GNAQ: variants seen among roughly 807,000 people sequenced by gnomAD.
The protein encoded by GNAQ is G protein subunit alpha q.
GNAQ carries 8 observed loss-of-function variants against 43.9 expected under a neutral mutation model. The ratio of observed to expected loss-of-function variants is 0.18; its 90% CI spans 0.11 to 0.33. The LOEUF (loss-of-function observed/expected upper bound fraction) is 0.33, where lower values mean the gene tolerates loss of function less well. Among genes scored for constraint, GNAQ ranks in the 10% least tolerant of loss-of-function variants. The probability of loss-of-function intolerance (pLI) is 1.00; values close to 1 mark genes in which losing one functional copy is unlikely to be tolerated. For synonymous variants in GNAQ, 155 were observed against 170.7 expected (o/e 0.91, Z 0.71); for missense variants, 158 against 450.8 (o/e 0.35, Z 5.88).
At chr9:77,900,202 A>G (rs906040857) in intron 2 of GNAQ, among the ~76,000 whole-genome samples, 11 of 152,168 alleles carry the variant, frequency 7.2e-5, no homozygotes, top group African/African-American at 2.7e-4. Context: ...GTATACGTCT[A>G]AGTTTCAATA....
chr9:78,004,841 AGAGAG>A (rs1046899389), intron 1 of GNAQ, among the ~76,000 whole-genome samples: 21 of 152,090 alleles, frequency 1.4e-4, no homozygotes, highest in African/African-American at 5.1e-4. Context: ...GTGGGAGAGA[AGAGAG>A]GAAAGCAACA....
At chr9:77,911,907 A>G (rs568079839) in intron 2 of GNAQ, among the ~76,000 whole-genome samples, 2 of 152,220 alleles carry the variant, frequency 1.3e-5, no homozygotes, top group South Asian at 2.1e-4. Context: ...AGGAAAAATA[A>G]AAGTCCTTTT....
intron 5 of GNAQ, among the ~76,000 whole-genome samples, chr9:77,729,046 G>C (rs779282160): frequency 6.6e-6 from 1 of 152,078 alleles, no homozygotes; most frequent in Non-Finnish European, 1.5e-5. Context: ...ACTAGATATG[G>C]CTTCATTTTG....
chr9:77,979,922 G>A (rs1242435185), intron 1 of GNAQ, among the ~76,000 whole-genome samples: 2 of 152,202 alleles, frequency 1.3e-5, no homozygotes, highest in Non-Finnish European at 2.9e-5. Flanking sequence ...CTCAAATTAT[G>A]TACTTGGCCA....
In GNAQ at chr9:77,720,206, C is replaced by G. The variant is rs1446745051; in HGVS notation, c.*1117G>C. On this transcript the variant is annotated 3_prime_UTR_variant, in exon 7 of 7. Coordinates refer to ENST00000286548, the MANE Select transcript of GNAQ (RefSeq NM_002072.5). ...TACAACTGTTTGGCAAATGGCATTTCTGGTTCATTCTCAGCCAGTCATTTT... is the reference window on the plus strand; with the variant it reads ...TACAACTGTTTGGCAAATGGCATTTGTGGTTCATTCTCAGCCAGTCATTTT... 4.3e-6 allele frequency: 1 copy of G among 233,288 alleles called. No homozygotes were observed. The highest frequency in any genetic ancestry group is 2.2e-5 in the African/African-American group (1 of 45,336). The allele number at this position is 233,288 out of a possible 1,614,324, so 14.5% of individuals were successfully genotyped here.
chr9:77,734,070 C>T (rs1042945098), intron 5 of GNAQ, among the ~76,000 whole-genome samples: 1 of 152,188 alleles, frequency 6.6e-6, no homozygotes, highest in African/African-American at 2.4e-5. Flanking sequence ...TTCGTGTCTA[C>T]ACTTTGCATC....
chr9:77,845,186 T>C (rs1345187486), intron 2 of GNAQ, among the ~76,000 whole-genome samples: 1 of 152,220 alleles, frequency 6.6e-6, no homozygotes, highest in Non-Finnish European at 1.5e-5. Context: ...TCCTTGGCAC[T>C]ACTTCTTGTC....
intron 2 of GNAQ, among the ~76,000 whole-genome samples, chr9:77,876,567 TC>T (rs772936926): frequency 1.3e-5 from 2 of 152,234 alleles, no homozygotes; most frequent in Non-Finnish European, 2.9e-5. Context: ...CAAACATATC[TC>T]CTTTACAGGA....
intron 2 of GNAQ, among the ~76,000 whole-genome samples, chr9:77,916,739 A>C (rs1253320059): frequency 1.3e-5 from 2 of 152,080 alleles, no homozygotes; most frequent in Non-Finnish European, 2.9e-5. Context: ...AGGACTTTCA[A>C]GTCTAAAAGG....
At chr9:77,773,508 T>G (rs1467814031) in intron 5 of GNAQ, among the ~76,000 whole-genome samples, 3 of 152,224 alleles carry the variant, frequency 2.0e-5, no homozygotes, top group African/African-American at 7.2e-5. Context: ...TGATATTAAC[T>G]TGTGCAAGAT....
At chr9:77,973,504 C>A (rs1310612752) in intron 1 of GNAQ, among the ~76,000 whole-genome samples, 1 of 152,054 alleles carries the variant, frequency 6.6e-6, no homozygotes, top group African/African-American at 2.4e-5. Context: ...CAAGTCAATT[C>A]TTTGAGGGAA....
Position 78,007,853 on chromosome 9 carries a change from A to G in GNAQ, c.136+23247T>C, listed in dbSNP as rs187726917. On this transcript the variant is annotated intron_variant, in intron 1 of 6. Transcript: ENST00000286548. ...TCCAAGACTGAACTCTCCAGAAAAG[A>G]ATATAAATCTTGTTAACCTTAACTA... is the stretch of plus-strand genomic sequence containing the variant. Among the ~76,000 whole-genome samples the G allele has an allele frequency of 7.8e-4, 119 of 152,336 alleles. 2 individuals carry two copies. The highest frequency in any genetic ancestry group is 6.6e-3 in the South Asian group (32 of 4,826).
At chr9:77,726,381 A>G (rs1202310366) in intron 6 of GNAQ, among the ~76,000 whole-genome samples, 1 of 152,230 alleles carries the variant, frequency 6.6e-6, no homozygotes, top group Non-Finnish European at 1.5e-5. Context: ...TATATTTTCA[A>G]TTCACCAACC....
chr9:77,938,496 CAAAG>C (rs1829265992), intron 1 of GNAQ, among the ~76,000 whole-genome samples: 1 of 152,022 alleles, frequency 6.6e-6, no homozygotes, highest in South Asian at 2.1e-4. Flanking sequence ...TAAATGGGAC[CAAAG>C]AAAGCTACCG....
chr9:77,959,893 A>G (rs1399335221), intron 1 of GNAQ, among the ~76,000 whole-genome samples: 1 of 152,174 alleles, frequency 6.6e-6, no homozygotes, highest in Admixed American at 6.5e-5. Flanking sequence ...GGAATCCTCC[A>G]TGTTCCACCC....
At chr9:77,995,445 G>A (rs920416217) in intron 1 of GNAQ, among the ~76,000 whole-genome samples, 1 of 152,128 alleles carries the variant, frequency 6.6e-6, no homozygotes, top group Non-Finnish European at 1.5e-5. Context: ...CAGCAATTCA[G>A]GGTAGAATAT....
intron 2 of GNAQ, among the ~76,000 whole-genome samples, chr9:77,848,739 A>T (rs764533381): frequency 6.6e-6 from 1 of 152,234 alleles, no homozygotes; most frequent in Non-Finnish European, 1.5e-5. Context: ...CGTCCGCATC[A>T]TAAGTCTCAC....
intron 2 of GNAQ, among the ~76,000 whole-genome samples, chr9:77,819,816 G>A (rs1030828845): frequency 2.0e-5 from 3 of 146,688 alleles, no homozygotes; most frequent in African/African-American, 7.5e-5. Context: ...TTTTGGTTTT[G>A]TTTTCTTCTG....
At chr9:77,948,281 G>C (rs1404031566) in intron 1 of GNAQ, among the ~76,000 whole-genome samples, 1 of 152,210 alleles carries the variant, frequency 6.6e-6, no homozygotes, top group Non-Finnish European at 1.5e-5. Context: ...TAAAACTATA[G>C]TCATTTTAAA....
Sources: gnomAD v4.1 joint callset for allele counts (sites outside exome capture counted in the v4.1 genomes callset) on GRCh38, gnomAD v4.1.1 for gene constraint, MANE v1.5 for transcripts, NCBI Gene and HGNC (gene_info 2026-07-23, HGNC 2026-07-21) for gene names.